Variants in RBFOX1 observed in about 807,000 individuals in gnomAD.
RBFOX1 encodes the protein RNA binding protein fox-1 homolog 1.
A neutral mutation model predicts 57.7 loss-of-function variants in RBFOX1; 8 were observed. The observed-to-expected ratio is 0.14, with a 90% CI of 0.08 to 0.25. The LOEUF (loss-of-function observed/expected upper bound fraction) is 0.25. RBFOX1 is among the 10% of genes least tolerant of loss of function. The pLI is 1.00. For synonymous variants in RBFOX1, 326 were observed against 222.4 expected (o/e 1.47, Z -4.15); for missense variants, 611 against 548.5 (o/e 1.11, Z -1.14).
chr16:6,082,046 A>G (rs906676865), intron 1 of RBFOX1, among the ~76,000 whole-genome samples: 33 of 152,112 alleles, frequency 2.2e-4, no homozygotes, highest in African/African-American at 7.2e-4. Context: ...TTTCAACCGT[A>G]TGGCTCTGAG....
intron 1 of RBFOX1, among the ~76,000 whole-genome samples, chr16:6,164,491 T>C (rs576979146): frequency 8.8e-4 from 132 of 149,236 alleles, no homozygotes; most frequent in Middle Eastern, 7.2e-3. Flanking sequence ...TTTTGAGATG[T>C]AGTCTTGTTT....
intron 3 of RBFOX1, among the ~76,000 whole-genome samples, chr16:5,650,577 C>T (rs2049202950): frequency 6.6e-6 from 1 of 152,070 alleles, no homozygotes; most frequent in African/African-American, 2.4e-5. Flanking sequence ...GATGCTAATC[C>T]CCTGGGAAAT....
intron 2 of RBFOX1, among the ~76,000 whole-genome samples, chr16:5,580,756 T>C (rs970860090): frequency 1.3e-5 from 2 of 152,190 alleles, no homozygotes; most frequent in African/African-American, 4.8e-5. Flanking sequence ...TTAGGTTTAA[T>C]TAAAGGCAAA....
intron 1 of RBFOX1, among the ~76,000 whole-genome samples, chr16:6,190,853 C>G (rs1323797687): frequency 1.3e-5 from 2 of 152,108 alleles, no homozygotes; most frequent in Non-Finnish European, 2.9e-5. Flanking sequence ...ACATTTAAAC[C>G]GAGTTGGGAG....
chr16:6,796,122 G>A (rs1359200710), intron 3 of RBFOX1, among the ~76,000 whole-genome samples: 1 of 151,244 alleles, frequency 6.6e-6, no homozygotes, highest in East Asian at 1.9e-4. Flanking sequence ...CACAGTCATG[G>A]CGGAAGGTGA....
intron 1 of RBFOX1, among the ~76,000 whole-genome samples, chr16:6,143,585 G>A (rs2096735058): frequency 6.6e-6 from 1 of 152,140 alleles, no homozygotes; most frequent in Non-Finnish European, 1.5e-5. Flanking sequence ...GCATCCAAGT[G>A]ATTCTGTTCT....
intron 1 of RBFOX1, among the ~76,000 whole-genome samples, chr16:5,343,693 T>C (rs2065082278): frequency 6.6e-6 from 1 of 152,208 alleles, no homozygotes. Flanking sequence ...TGGGTGCCAG[T>C]TCTTCAAATG....
At chr16:7,038,732 C>G (rs999276299) in intron 3 of RBFOX1, among the ~76,000 whole-genome samples, 1 of 152,148 alleles carries the variant, frequency 6.6e-6, no homozygotes, top group Non-Finnish European at 1.5e-5. Flanking sequence ...CACGTGCTGC[C>G]TGGGGCTGCC....
intron 4 of RBFOX1, among the ~76,000 whole-genome samples, chr16:7,231,203 G>A (rs2093475155): frequency 6.6e-6 from 1 of 152,198 alleles, no homozygotes; most frequent in Admixed American, 6.5e-5. Flanking sequence ...ACAACCGAAA[G>A]AGCTAGAATA....
chr16:7,441,407 T>A (rs1598479660), intron 4 of RBFOX1, among the ~76,000 whole-genome samples: 1 of 152,176 alleles, frequency 6.6e-6, no homozygotes, highest in Non-Finnish European at 1.5e-5. Flanking sequence ...CTCTGAGAGA[T>A]GATGTTGCCT....
In RBFOX1 at chr16:6,942,372, C is replaced by G. The variant is rs570220508; in HGVS notation, c.-15-109685C>G. Reference sequence around the variant, plus strand: ...TTTTTGTGACATTTTGTTGCCCAGGCTGATCTCGAACCCTTGGGTTCAAAC... The same window carrying G: ...TTTTTGTGACATTTTGTTGCCCAGGGTGATCTCGAACCCTTGGGTTCAAAC... On this transcript the variant is annotated intron_variant, in intron 3 of 15. Coordinates refer to ENST00000550418, the MANE Select transcript of RBFOX1 (RefSeq NM_018723.4). 2.6e-3 allele frequency among the ~76,000 whole-genome samples: 390 copies of G among 152,264 alleles called. 1 individual carries two copies. The highest frequency in any genetic ancestry group is 4.5e-3 in the Non-Finnish European group (307 of 68,018).
intron 3 of RBFOX1, among the ~76,000 whole-genome samples, chr16:5,771,440 C>T (rs1478490178): frequency 2.6e-5 from 4 of 152,130 alleles, no homozygotes; most frequent in East Asian, 1.9e-4. Flanking sequence ...GTGGAGTCTC[C>T]CTCCGTAGTC....
At chr16:6,169,497 G>A (rs2096942481) in intron 1 of RBFOX1, among the ~76,000 whole-genome samples, 1 of 152,098 alleles carries the variant, frequency 6.6e-6, no homozygotes, top group Non-Finnish European at 1.5e-5. Context: ...AACAATGAAC[G>A]ATTCCTGAAT....
At chr16:6,285,828 C>T (rs1422918942) in intron 1 of RBFOX1, among the ~76,000 whole-genome samples, 5 of 152,136 alleles carry the variant, frequency 3.3e-5, no homozygotes, top group Non-Finnish European at 5.9e-5. Flanking sequence ...CGGATCCCAT[C>T]CAGAAGCATC....
intron 4 of RBFOX1, among the ~76,000 whole-genome samples, chr16:7,249,187 A>G (rs1392216541): frequency 6.6e-6 from 1 of 152,220 alleles, no homozygotes; most frequent in Non-Finnish European, 1.5e-5. Context: ...ACCTTCAGCT[A>G]AGTTGACTAC....
chr16:5,501,258 C>T (rs890913799), intron 2 of RBFOX1, among the ~76,000 whole-genome samples: 2 of 127,156 alleles, frequency 1.6e-5, no homozygotes, highest in Non-Finnish European at 3.1e-5. Context: ...GCGGAGGTTG[C>T]AGTGAGTTGA....
At chr16:7,554,428 G>T (rs1225286352) in intron 5 of RBFOX1, among the ~76,000 whole-genome samples, 1 of 152,136 alleles carries the variant, frequency 6.6e-6, no homozygotes, top group Admixed American at 6.5e-5. Flanking sequence ...CATACTCAAG[G>T]TTGCACTGCA....
intron 3 of RBFOX1, among the ~76,000 whole-genome samples, chr16:6,831,387 G>A (rs1453360813): frequency 6.6e-6 from 1 of 152,192 alleles, no homozygotes; most frequent in East Asian, 1.9e-4. Flanking sequence ...ACATATTTTA[G>A]TTGTGTTACC....
chr16:5,740,941 T>G (rs557373162), intron 3 of RBFOX1, among the ~76,000 whole-genome samples: 4 of 152,224 alleles, frequency 2.6e-5, no homozygotes, highest in South Asian at 4.2e-4. Flanking sequence ...ACTGGAGTCA[T>G]GATGAGTTGG....
Sources: gnomAD v4.1 joint callset for allele counts (sites outside exome capture counted in the v4.1 genomes callset) on GRCh38, gnomAD v4.1.1 for gene constraint, MANE v1.5 for transcripts, NCBI Gene and HGNC (gene_info 2026-07-23, HGNC 2026-07-21) for gene names.